The following IMMP2L variants were observed in gnomAD, a reference collection of about 807,000 sequenced individuals.
IMMP2L encodes inner mitochondrial membrane peptidase subunit 2.
Under a neutral mutation model 19.3 loss-of-function variants are expected in IMMP2L, and 18 were observed. The ratio of observed to expected loss-of-function variants is 0.93; its 90% CI spans 0.64 to 1.38. The LOEUF is 1.38. Ranked by LOEUF, IMMP2L falls within the 40% of genes most tolerant of loss-of-function variation. The pLI is 0.00. For missense variants in IMMP2L, 233 were observed against 218.2 expected (o/e 1.07, Z -0.43); for synonymous variants, 76 against 73.0 (o/e 1.04, Z -0.21).
chr7:110,721,667 CATTA>C (rs1795581302), intron 5 of IMMP2L, among the ~76,000 whole-genome samples: 1 of 151,970 alleles, frequency 6.6e-6, no homozygotes. Context: ...TCAGTATAAC[CATTA>C]ATTTTCATTT....
At chr7:110,842,181 T>C (rs973984178) in intron 5 of IMMP2L, among the ~76,000 whole-genome samples, 2 of 152,198 alleles carry the variant, frequency 1.3e-5, no homozygotes, top group African/African-American at 4.8e-5. Flanking sequence ...GGGGATTTTT[T>C]TTCCTCTCCA....
At chr7:111,171,161 G>T (rs556459961) in intron 3 of IMMP2L, among the ~76,000 whole-genome samples, 5 of 57,364 alleles carry the variant, frequency 8.7e-5, no homozygotes, top group Non-Finnish European at 2.8e-4. Context: ...CATTCTTAGA[G>T]CCCTTTTCTA....
intron 1 of IMMP2L, among the ~76,000 whole-genome samples, chr7:111,547,369 C>A (rs1399243465): frequency 6.6e-6 from 1 of 151,936 alleles, no homozygotes; most frequent in Non-Finnish European, 1.5e-5. Context: ...AAAGATGAGA[C>A]CTCTAATAAT....
intron 3 of IMMP2L, among the ~76,000 whole-genome samples, chr7:111,056,906 A>G (rs2129574039): frequency 6.6e-6 from 1 of 152,222 alleles, no homozygotes; most frequent in African/African-American, 2.4e-5. Flanking sequence ...GAGACAGAGG[A>G]AAATCCACAT....
intron 3 of IMMP2L, among the ~76,000 whole-genome samples, chr7:111,241,968 A>C (rs1815111903): frequency 6.6e-6 from 1 of 152,054 alleles, no homozygotes; most frequent in South Asian, 2.1e-4. Flanking sequence ...TACGTGAAAA[A>C]TATGATTCAC....
chr7:111,243,123 T>C (rs1045762315), intron 3 of IMMP2L, among the ~76,000 whole-genome samples: 2 of 152,200 alleles, frequency 1.3e-5, no homozygotes, highest in South Asian at 2.1e-4. Flanking sequence ...AGAGTAGTTG[T>C]TTTGAGAAGA....
At chr7:110,693,540 G>A (rs1329409580) in intron 5 of IMMP2L, among the ~76,000 whole-genome samples, 3 of 152,156 alleles carry the variant, frequency 2.0e-5, no homozygotes, top group South Asian at 2.1e-4. Context: ...GTTAATTGCT[G>A]TATCCTGAGT....
chr7:110,827,165 C>T (rs10279573), intron 5 of IMMP2L, among the ~76,000 whole-genome samples: 31,031 of 151,948 alleles, frequency 0.2, 3,661 homozygotes, highest in African/African-American at 0.32. Context: ...GGTTTATAGA[C>T]TCCACTTAGA....
intron 3 of IMMP2L, among the ~76,000 whole-genome samples, chr7:111,287,938 T>C (rs1820677362): frequency 6.6e-6 from 1 of 152,098 alleles, no homozygotes; most frequent in African/African-American, 2.4e-5. Flanking sequence ...ATATAATCTA[T>C]CCAAATTCCA....
At chr7:111,452,303 T>C (rs1338912841) in intron 3 of IMMP2L, among the ~76,000 whole-genome samples, 2 of 152,252 alleles carry the variant, frequency 1.3e-5, no homozygotes, top group East Asian at 1.9e-4. Flanking sequence ...GCTGTCAAGA[T>C]ATATAGAGTT....
chr7:111,396,627 C>T (rs771642346), intron 3 of IMMP2L, among the ~76,000 whole-genome samples: 12 of 151,870 alleles, frequency 7.9e-5, no homozygotes, highest in Middle Eastern at 3.4e-3. Context: ...TTAACAAACC[C>T]GTACGTTTTG....
Position 111,532,941 on chromosome 7 carries a change from G to A in IMMP2L, c.-2-11492C>T, listed in dbSNP as rs79981472. 2.8e-3 allele frequency among the ~76,000 whole-genome samples: 431 copies of A among 152,202 alleles called. 2 individuals are homozygous for A. Among genetic ancestry groups the A allele is most frequent in the Middle Eastern group, 6.8e-3 (2 of 294 alleles). ...TATGCAATTTAAGGTGAAAGCAACA[G>A]AAATAAACTCCCTTGGAATGAGTGC... On this transcript the variant is annotated intron_variant, in intron 1 of 5. Transcript: ENST00000405709.
intron 3 of IMMP2L, among the ~76,000 whole-genome samples, chr7:111,418,169 T>C (rs928877875): frequency 5.9e-5 from 9 of 151,872 alleles, no homozygotes; most frequent in African/African-American, 1.9e-4. Context: ...TTTTACGAAA[T>C]TGTAATCAGT....
In IMMP2L at chr7:110,803,995, G is replaced by C. The variant is rs1194907632; in HGVS notation, c.408+82598C>G. Among the ~76,000 whole-genome samples, 1 of 152,044 alleles carries C rather than the reference G, an allele frequency of 6.6e-6. No homozygotes were observed. Among genetic ancestry groups the C allele is most frequent in the Non-Finnish European group, 1.5e-5 (1 of 67,978 alleles). On this transcript the variant is annotated intron_variant, in intron 5 of 5. Coordinates refer to ENST00000405709, the MANE Select transcript of IMMP2L (RefSeq NM_032549.4). The surrounding 1 kb of genome is among the most constrained non-coding windows in gnomAD (Gnocchi z 4.2). ...CAACTGGTAAAATGGGTACTTGAAA[G>C]ATGAGAATGAGTTTATGATCACTGA... is the stretch of plus-strand genomic sequence containing the variant.
chr7:111,141,129 G>T (rs902199229), intron 3 of IMMP2L, among the ~76,000 whole-genome samples: 10 of 152,294 alleles, frequency 6.6e-5, no homozygotes, highest in Non-Finnish European at 1.2e-4. Flanking sequence ...AGGCTCTGGG[G>T]TGACTGGGGA....
At position 110,757,621 on chromosome 7, in the gene IMMP2L, A is replaced by G. The variant is rs1462697503; in HGVS notation, c.409-93900T>C. On this transcript the variant is annotated intron_variant, in intron 5 of 5. Transcript: ENST00000405709. This position sits in a 1 kb window ranked among gnomAD's most constrained non-coding sequence, Gnocchi z 4.2. ...AGGGAGGCCTGTCTACCCATATCTC[A>G]TATACCGGGTTCTATAAGTGCTCCC... Among the ~76,000 whole-genome samples, 1 of 152,022 alleles carries G rather than the reference A, an allele frequency of 6.6e-6. No homozygotes were observed. The highest frequency in any genetic ancestry group is 1.5e-5 in the Non-Finnish European group (1 of 68,014).
intron 3 of IMMP2L, among the ~76,000 whole-genome samples, chr7:111,218,383 T>C (rs1812177962): frequency 6.6e-6 from 1 of 152,100 alleles, no homozygotes; most frequent in Non-Finnish European, 1.5e-5. Context: ...CATGTACCTA[T>C]GCTATTATGT....
At chr7:110,949,370 C>A (rs934330338) in intron 4 of IMMP2L, among the ~76,000 whole-genome samples, 18 of 152,136 alleles carry the variant, frequency 1.2e-4, no homozygotes, top group Admixed American at 9.8e-4. Context: ...TTGCTCTCTG[C>A]CTCAACCAAT....
chr7:111,526,440 G>A (rs1330965518), intron 1 of IMMP2L, among the ~76,000 whole-genome samples: 1 of 152,122 alleles, frequency 6.6e-6, no homozygotes, highest in Non-Finnish European at 1.5e-5. Flanking sequence ...GAATGGAGAC[G>A]ATTACTATTT....
Sources: allele counts gnomAD v4.1 joint callset (sites outside exome capture counted in the v4.1 genomes callset), GRCh38; gene constraint gnomAD v4.1.1; non-coding constraint Gnocchi (gnomAD v3.1); transcripts MANE v1.5; gene names NCBI Gene and HGNC (gene_info 2026-07-23, HGNC 2026-07-21).